The following TRPC7 variants were observed in gnomAD, a reference collection of about 807,000 sequenced individuals.
TRPC7 encodes short transient receptor potential channel 7.
Under a neutral mutation model 90.1 loss-of-function variants are expected in TRPC7, and 42 were observed. The ratio of observed to expected loss-of-function variants is 0.47; its 90% CI spans 0.36 to 0.60. The LOEUF is 0.60. Ranked by LOEUF, TRPC7 falls within the 20% of genes least tolerant of loss-of-function variation. The pLI, the probability that TRPC7 is intolerant of heterozygous loss-of-function variation, is 0.00. For missense variants in TRPC7, 955 were observed against 1,112.3 expected, an observed-to-expected ratio of 0.86 and a Z score of 2.01; for synonymous variants, 451 against 436.3, an observed-to-expected ratio of 1.03 and a Z score of -0.42.
chr5:136,353,769 C>T (rs1760273713), intron 2 of TRPC7, among the ~76,000 whole-genome samples: 1 of 152,204 alleles, frequency 6.6e-6, no homozygotes, highest in African/African-American at 2.4e-5. Context: ...TGTATTGATG[C>T]AAACTCTTAT....
chr5:136,277,755 T>C (rs541266128), intron 3 of TRPC7, among the ~76,000 whole-genome samples: 1 of 152,358 alleles, frequency 6.6e-6, no homozygotes, highest in South Asian at 2.1e-4. Context: ...TGTCTTGGGC[T>C]TATTTTCTTT....
chr5:136,236,189 A>G (rs1755973122), intron 7 of TRPC7, among the ~76,000 whole-genome samples: 1 of 152,150 alleles, frequency 6.6e-6, no homozygotes, highest in Non-Finnish European at 1.5e-5. Context: ...GTGCTTTTGG[A>G]GGTCCCAGTC....
chr5:136,347,525 A>G (rs1168097147), intron 2 of TRPC7, among the ~76,000 whole-genome samples: 1 of 152,232 alleles, frequency 6.6e-6, no homozygotes, highest in Non-Finnish European at 1.5e-5. Flanking sequence ...GCCAACAGAG[A>G]GAGAAAGATG....
chr5:136,339,927 T>C lies in TRPC7; in HGVS notation c.780+16681A>G, dbSNP rs55820726. Among the ~76,000 whole-genome samples the C allele has an allele frequency of 6.6e-3, 1,005 of 151,758 alleles. 6 individuals carry two copies. Among genetic ancestry groups the C allele is most frequent in the Non-Finnish European group, 0.011 (774 of 67,900 alleles). ...GAATAAATTTCAGAGGAATTAAAAA[T>C]AAAGCCATAGAAATACTAGAAGAGA... is the stretch of plus-strand genomic sequence containing the variant. On this transcript the variant is annotated intron_variant, in intron 2 of 11. Transcript: ENST00000513104.
At chr5:136,313,661 G>C (rs1016215309) in intron 3 of TRPC7, among the ~76,000 whole-genome samples, 3 of 152,190 alleles carry the variant, frequency 2.0e-5, no homozygotes, top group African/African-American at 7.2e-5. Flanking sequence ...GGCATACAAG[G>C]TTTGAGAAAA....
chr5:136,242,484 G>A (rs966360334), intron 7 of TRPC7, among the ~76,000 whole-genome samples: 3 of 152,104 alleles, frequency 2.0e-5, no homozygotes, highest in Admixed American at 2.0e-4. Context: ...GAAAAATTGG[G>A]AACTATTAAT....
chr5:136,215,834 A>AC (rs1336003045), intron 11 of TRPC7, among the ~76,000 whole-genome samples: 1 of 151,488 alleles, frequency 6.6e-6, no homozygotes, highest in Non-Finnish European at 1.5e-5. Flanking sequence ...AAAAAAAAAA[A>AC]AAAAATGGTG....
chr5:136,213,279 T>C lies in TRPC7; in HGVS notation c.*156A>G, dbSNP rs572917134. On this transcript the variant is annotated 3_prime_UTR_variant, in exon 12 of 12. Transcript: ENST00000513104. ...TCTGGGTCTAGGCAGGCCAGCGGGC[T>C]GGAGATGTCAGTCATGCTGCAAGAG... 1 of 755,746 alleles carries C rather than the reference T, an allele frequency of 1.3e-6. No individual in the cohort carries two copies. The highest frequency in any genetic ancestry group is 2.1e-6 in the Non-Finnish European group (1 of 469,014). 46.8% of individuals were successfully genotyped at this position (755,746 alleles called of 1,614,324 possible).
intron 3 of TRPC7, among the ~76,000 whole-genome samples, chr5:136,288,703 C>A (rs1425588833): frequency 2.0e-5 from 3 of 152,202 alleles, no homozygotes. Flanking sequence ...CTGTTTTTAA[C>A]ACACAGCCTT....
chr5:136,305,144 T>A (rs940630027), intron 3 of TRPC7, among the ~76,000 whole-genome samples: 1 of 152,236 alleles, frequency 6.6e-6, no homozygotes, highest in Non-Finnish European at 1.5e-5. Flanking sequence ...ACCATTGTTC[T>A]TGGCCCGGAC....
At chr5:136,340,247 A>G (rs535570370) in intron 2 of TRPC7, among the ~76,000 whole-genome samples, 3 of 152,046 alleles carry the variant, frequency 2.0e-5, no homozygotes, top group Non-Finnish European at 2.9e-5. Context: ...TTTTATTTAT[A>G]TGGGATCTAA....
intron 2 of TRPC7, among the ~76,000 whole-genome samples, chr5:136,353,897 C>T (rs572931779): frequency 7.2e-4 from 109 of 152,198 alleles, no homozygotes; most frequent in Middle Eastern, 6.8e-3. Flanking sequence ...TGCTTTCAAA[C>T]GAACTTCCAG....
chr5:136,286,179 G>A (rs1203042915), intron 3 of TRPC7, among the ~76,000 whole-genome samples: 1 of 152,146 alleles, frequency 6.6e-6, no homozygotes, highest in Non-Finnish European at 1.5e-5. Flanking sequence ...ACCCCCACAA[G>A]TAGGAACTCT....
intron 10 of TRPC7, among the ~76,000 whole-genome samples, chr5:136,224,660 T>A (rs1755570377): frequency 6.6e-6 from 1 of 152,166 alleles, no homozygotes; most frequent in South Asian, 2.1e-4. Flanking sequence ...TCCCCACCTG[T>A]CTCTTCTCAT....
In TRPC7 at chr5:136,365,285, T is replaced by C. The variant is rs1760686732; in HGVS notation, c.-31A>G. ...GTGTAATACGCAGGCTTGTTCCTCC[T>C]CTAGATGACCGGAATCCGGTGTTGA... On this transcript the variant is annotated 5_prime_UTR_variant, in exon 1 of 12. Transcript: ENST00000513104. 2 of 1,537,054 alleles carry C rather than the reference T, an allele frequency of 1.3e-6. No homozygotes were observed. Among genetic ancestry groups the C allele is most frequent in the Non-Finnish European group, 1.7e-6 (2 of 1,146,826 alleles).
At chr5:136,225,185 C>CG in intron 10 of TRPC7, 89 bp downstream of exon 10, 2 of 1,160,588 alleles carry the variant, frequency 1.7e-6, no homozygotes, top group Non-Finnish European at 2.5e-6. Context: ...GCTGTGTTCT[C>CG]GGGGGATGAC....
In TRPC7 at chr5:136,301,797, AG is replaced by A. The variant is rs568588210; in HGVS notation, c.963+13799del. 1.2e-3 allele frequency among the ~76,000 whole-genome samples: 183 copies of A among 152,320 alleles called. 1 individual carries two copies. The highest frequency in any genetic ancestry group is 4.2e-3 in the African/African-American group (176 of 41,568). On this transcript the variant is annotated intron_variant, in intron 3 of 11. Coordinates refer to ENST00000513104, the MANE Select transcript of TRPC7 (RefSeq NM_020389.3). Reference sequence around the variant, plus strand: ...ATAAACAGCCATGTTGTTCACACAAAGCCTGTTTGGTGGTCTCTTCACACGG... The same window carrying A: ...ATAAACAGCCATGTTGTTCACACAAACCTGTTTGGTGGTCTCTTCACACGG...
chr5:136,345,682 G>A (rs113162115), intron 2 of TRPC7, among the ~76,000 whole-genome samples: 172 of 152,284 alleles, frequency 1.1e-3, no homozygotes, highest in Non-Finnish European at 2.0e-3. Flanking sequence ...TTCTTTTGCT[G>A]TGCTGAAGCT....
At chr5:136,289,577 G>A (rs1039221545) in intron 3 of TRPC7, among the ~76,000 whole-genome samples, 5 of 152,240 alleles carry the variant, frequency 3.3e-5, no homozygotes, top group African/African-American at 1.2e-4. Context: ...AAACTGCAAG[G>A]TGGAAGTGAG....
Sources: gnomAD v4.1 joint callset for allele counts (sites outside exome capture counted in the v4.1 genomes callset) on GRCh38, gnomAD v4.1.1 for gene constraint, MANE v1.5 for transcripts, NCBI Gene and HGNC (gene_info 2026-07-23, HGNC 2026-07-21) for gene names.